KLHL8: variants seen among roughly 807,000 people sequenced by gnomAD.
KLHL8 encodes kelch-like protein 8.
KLHL8 carries 38 observed loss-of-function variants against 63.5 expected under a neutral mutation model. That is an observed-to-expected ratio of 0.60 (90% CI 0.46 to 0.78). KLHL8 has a LOEUF of 0.78. KLHL8 is among the 30% of genes least tolerant of loss of function. KLHL8 has a pLI of 0.00. For synonymous variants in KLHL8, 224 were observed against 254.3 expected, an observed-to-expected ratio of 0.88 and a Z score of 1.13; for missense variants, 566 against 752.4, an observed-to-expected ratio of 0.75 and a Z score of 2.90.
At chr4:87,189,581 T>A (rs1460155896) in intron 2 of KLHL8, among the ~76,000 whole-genome samples, 1 of 152,094 alleles carries the variant, frequency 6.6e-6, no homozygotes, top group Non-Finnish European at 1.5e-5. Context: ...ACTCCACTAG[T>A]TAGGACTTCA....
chr4:87,190,369 G>A (rs1470972230), intron 2 of KLHL8, among the ~76,000 whole-genome samples: 2 of 152,110 alleles, frequency 1.3e-5, no homozygotes, highest in South Asian at 4.1e-4. Context: ...TACTGGCCAG[G>A]GGCAGTGGCT....
chr4:87,240,224 C>A (rs970094788), intron 1 of KLHL8: 1 of 152,096 alleles, frequency 6.6e-6, no homozygotes, highest in Non-Finnish European at 1.5e-5. Context: ...ATTAAGGAAT[C>A]GTTAGATAAT....
At position 87,201,942 on chromosome 4, in the gene KLHL8, G is replaced by A. The variant is rs939802335; in HGVS notation, c.-151-6252C>T. 1.3e-4 allele frequency among the ~76,000 whole-genome samples: 20 copies of A among 151,794 alleles called. No homozygotes were observed. The East Asian group carries it at 3.5e-3, about 26-fold the overall frequency. ...AATTATGTGCTTACATCAAAAAAAA[G>A]TACTAAATCAAAAAAATTAGCTGGG... On this transcript the variant is annotated intron_variant, in intron 1 of 9. Coordinates refer to ENST00000273963, the MANE Select transcript of KLHL8 (RefSeq NM_020803.5).
At chr4:87,208,291 A>G in intron 1 of KLHL8, among the ~76,000 whole-genome samples, 1 of 152,038 alleles carries the variant, frequency 6.6e-6, no homozygotes. Flanking sequence ...TGCTTAGCCA[A>G]AAACAAACAA....
At chr4:87,192,172 C>G (rs1731519954) in intron 2 of KLHL8, among the ~76,000 whole-genome samples, 2 of 152,178 alleles carry the variant, frequency 1.3e-5, no homozygotes, top group South Asian at 4.1e-4. Context: ...AGTCTCAGTT[C>G]TTTGAGAAGT....
intron 2 of KLHL8, among the ~76,000 whole-genome samples, chr4:87,191,915 G>A (rs145437227): frequency 7.2e-5 from 11 of 152,100 alleles, no homozygotes; most frequent in African/African-American, 2.2e-4. Context: ...TTCCAGCTGC[G>A]TGTATGTTGC....
At chr4:87,232,548 G>T (rs1236305730) in intron 1 of KLHL8, among the ~76,000 whole-genome samples, 1 of 152,196 alleles carries the variant, frequency 6.6e-6, no homozygotes, top group African/African-American at 2.4e-5. Context: ...AAGTGGAATT[G>T]CTGGTTTTAC....
At chr4:87,183,996 G>A (rs1023357675) in intron 3 of KLHL8, among the ~76,000 whole-genome samples, 4 of 152,016 alleles carry the variant, frequency 2.6e-5, no homozygotes, top group Admixed American at 2.0e-4. Context: ...TGGATTAAAG[G>A]GGATGATGAA....
intron 1 of KLHL8, among the ~76,000 whole-genome samples, chr4:87,236,137 C>A (rs1421546601): frequency 1.3e-5 from 2 of 152,146 alleles, no homozygotes; most frequent in Non-Finnish European, 2.9e-5. Flanking sequence ...TAAGATTTGT[C>A]ACTTTTCCTT....
intron 2 of KLHL8, among the ~76,000 whole-genome samples, chr4:87,190,357 C>A (rs947645617): frequency 6.6e-6 from 1 of 151,948 alleles, no homozygotes; most frequent in African/African-American, 2.4e-5. Flanking sequence ...TAAAAAATAA[C>A]CTACTGGCCA....
At chr4:87,218,088 A>G (rs1383045742) in intron 1 of KLHL8, among the ~76,000 whole-genome samples, 1 of 152,180 alleles carries the variant, frequency 6.6e-6, no homozygotes, top group Admixed American at 6.5e-5. Context: ...ATTGTAATAT[A>G]CGTACCACTC....
intron 1 of KLHL8, among the ~76,000 whole-genome samples, chr4:87,231,164 G>A (rs1420322280): frequency 6.6e-6 from 1 of 152,136 alleles, no homozygotes; most frequent in Non-Finnish European, 1.5e-5. Context: ...GCCCGGTGGG[G>A]GCAACTCTGA....
At chr4:87,214,415 G>GATACATATATAT (rs1210785609) in intron 1 of KLHL8, among the ~76,000 whole-genome samples, 1 of 93,086 alleles carries the variant, frequency 1.1e-5, no homozygotes, top group Non-Finnish European at 2.4e-5. Flanking sequence ...GCACATAACA[G>GATACATATATAT]ATATATATAT....
In KLHL8 at chr4:87,163,278, A is replaced by T; in HGVS notation, c.*241T>A. 3.3e-6 allele frequency: 1 copy of T among 306,118 alleles called. No homozygotes were observed. Among genetic ancestry groups the T allele is most frequent in the African/African-American group, 2.2e-5 (1 of 46,268 alleles). 19.0% of individuals were successfully genotyped at this position (306,118 alleles called of 1,614,324 possible). A position where few individuals can be genotyped will look rare whatever the true frequency, so the allele number is the denominator to read the frequency against. On this transcript the variant is annotated 3_prime_UTR_variant, in exon 10 of 10. Coordinates refer to ENST00000273963, the MANE Select transcript of KLHL8 (RefSeq NM_020803.5). ...CATTTTTCAGGGTAGGTATGATTTTAAGTTCGACTATCTTCTTCCCTACTC... is the reference window on the plus strand; with the variant it reads ...CATTTTTCAGGGTAGGTATGATTTTTAGTTCGACTATCTTCTTCCCTACTC...
intron 2 of KLHL8, among the ~76,000 whole-genome samples, chr4:87,192,435 G>A (rs755958850): frequency 1.5e-4 from 23 of 152,110 alleles, no homozygotes; most frequent in Non-Finnish European, 3.4e-4. Flanking sequence ...ATATGTTCAT[G>A]TCCTTTGCCT....
chr4:87,197,141 A>G (rs1731729888), intron 1 of KLHL8, among the ~76,000 whole-genome samples: 1 of 152,234 alleles, frequency 6.6e-6, no homozygotes, highest in African/African-American at 2.4e-5. Flanking sequence ...CATACATGAC[A>G]GTGATCCTTA....
chr4:87,185,454 C>A lies in KLHL8; in HGVS notation c.562G>T (p.Ala188Ser). ...AAATGGTCACAGGCATACTGATCCG[C>A]CATGTCCATTAAGTCTATTCGATTG... Reference protein sequence around the residue: ...SHNRIDLMDMADQYACDHFTE... With the variant: ...SHNRIDLMDMSDQYACDHFTE... The change falls in exon 3 of 10, where the codon GCG (alanine) becomes TCG (serine). Residue 188 changes from alanine (A) to serine (S), a missense_variant. Coordinates refer to ENST00000273963, the MANE Select transcript of KLHL8 (RefSeq NM_020803.5). 6.2e-7 allele frequency: 1 copy of A among 1,614,210 alleles called. No individual in the cohort carries two copies. The highest frequency in any genetic ancestry group is 8.5e-7 in the Non-Finnish European group (1 of 1,180,032).
At chr4:87,187,218 A>G (rs1377586490) in intron 2 of KLHL8, among the ~76,000 whole-genome samples, 4 of 152,102 alleles carry the variant, frequency 2.6e-5, no homozygotes, top group Non-Finnish European at 5.9e-5. Flanking sequence ...TATTTGCACC[A>G]TATCTTGAGT....
intron 2 of KLHL8, among the ~76,000 whole-genome samples, chr4:87,189,536 A>G (rs1349267097): frequency 6.6e-6 from 1 of 152,202 alleles, no homozygotes; most frequent in East Asian, 1.9e-4. Flanking sequence ...TTGGATTAGT[A>G]AAGCACTTGA....
Sources: allele counts gnomAD v4.1 joint callset (sites outside exome capture counted in the v4.1 genomes callset), GRCh38; gene constraint gnomAD v4.1.1; transcripts MANE v1.5; gene names NCBI Gene and HGNC (gene_info 2026-07-23, HGNC 2026-07-21).